Variants in C6 observed in about 807,000 individuals in gnomAD.
The protein encoded by C6 is complement component C6.
C6 carries 101 observed loss-of-function variants against 112.9 expected under a neutral mutation model. That is an observed-to-expected ratio of 0.89 (90% CI 0.76 to 1.06). The LOEUF (loss-of-function observed/expected upper bound fraction) is 1.06, where lower values mean the gene tolerates loss of function less well. Ranked by LOEUF, C6 falls within the 50% of genes least tolerant of loss-of-function variation. The pLI is 0.00. For synonymous variants in C6, 431 were observed against 384.1 expected (o/e 1.12, Z -1.43); for missense variants, 1,202 against 1,104.6 (o/e 1.09, Z -1.25).
intron 1 of C6, among the ~76,000 whole-genome samples, chr5:41,236,753 AC>A (rs1473948649): frequency 2.1e-5 from 3 of 141,812 alleles, no homozygotes; most frequent in African/African-American, 8.1e-5. Context: ...AAATAGAGAC[AC>A]AAAAAATCCT....
At chr5:41,233,033 T>C (rs1205038138) in intron 1 of C6, among the ~76,000 whole-genome samples, 1 of 152,106 alleles carries the variant, frequency 6.6e-6, no homozygotes, top group Non-Finnish European at 1.5e-5. Context: ...TCAATTAATA[T>C]TCTATTATGT....
chr5:41,177,242 C>T (rs1436041665), intron 7 of C6, among the ~76,000 whole-genome samples: 2 of 152,120 alleles, frequency 1.3e-5, no homozygotes, highest in Non-Finnish European at 2.9e-5. Flanking sequence ...CACTTCACAT[C>T]TCCTTTCAAC....
intron 1 of C6, among the ~76,000 whole-genome samples, chr5:41,240,397 C>A (rs560823819): frequency 2.0e-5 from 3 of 152,044 alleles, no homozygotes; most frequent in Non-Finnish European, 4.4e-5. Flanking sequence ...CCAGTAGGAG[C>A]AGCTGTGGAT....
intron 1 of C6, among the ~76,000 whole-genome samples, chr5:41,211,312 CA>C (rs1561177587): frequency 3.2e-4 from 34 of 107,710 alleles, no homozygotes; most frequent in African/African-American, 9.5e-4. Context: ...GGGTGCAGTA[CA>C]CCAACATGGC....
intron 1 of C6, among the ~76,000 whole-genome samples, chr5:41,255,217 C>A (rs113812224): frequency 6.6e-6 from 1 of 151,776 alleles, no homozygotes; most frequent in Non-Finnish European, 1.5e-5. Flanking sequence ...AAAAATTAGG[C>A]GGGCATGGTG....
In C6 at chr5:41,158,729, A is replaced by C. The variant is rs779593411; in HGVS notation, c.1913T>G (p.Ile638Arg). ...EEMKEVDLPEIEADSGCPQPV... is the reference protein window; with the variant it reads ...EEMKEVDLPEREADSGCPQPV... The stretch of plus-strand genomic sequence containing the variant: ...CTGAGGACACCCGGAATCTGCTTCT[A>C]TCTCAGGAAGATCGACCTCTTTCAT... Residue 638 changes from isoleucine (I) to arginine (R), a missense_variant, in exon 13 of 18, where the codon ATA (isoleucine) becomes AGA (arginine). Ile to Arg is a moderately conservative substitution (Grantham distance 97, BLOSUM62 -3). Coordinates refer to ENST00000337836, the MANE Select transcript of C6 (RefSeq NM_000065.5). 2 of 1,611,908 alleles carry C rather than the reference A, an allele frequency of 1.2e-6. No individual in the cohort carries two copies. Among genetic ancestry groups the C allele is most frequent in the Non-Finnish European group, 1.7e-6 (2 of 1,178,158 alleles).
chr5:41,234,905 C>A lies in C6; in HGVS notation c.-21+26289G>T, dbSNP rs1021318327. Among the ~76,000 whole-genome samples, 5 of 152,164 alleles carry A rather than the reference C, an allele frequency of 3.3e-5. No individual in the cohort carries two copies. The South Asian group carries it at 8.3e-4, about 25-fold the overall frequency. ...TGCCTGTTGCTATAATAATTCCTTA[C>A]TAATGAGACTTTATTAATTTGTAGT... is the stretch of plus-strand genomic sequence containing the variant. On this transcript the variant is annotated intron_variant, in intron 1 of 17. Transcript: ENST00000263413.
intron 1 of C6, among the ~76,000 whole-genome samples, chr5:41,243,934 T>A (rs1390943008): frequency 6.6e-6 from 1 of 152,244 alleles, no homozygotes; most frequent in East Asian, 1.9e-4. Flanking sequence ...CACATTTGCC[T>A]ACACTAAAAA....
At chr5:41,184,890 CAT>C (rs1749649779) in intron 6 of C6, among the ~76,000 whole-genome samples, 2 of 152,264 alleles carry the variant, frequency 1.3e-5, no homozygotes, top group Middle Eastern at 3.4e-3. Flanking sequence ...TCTAAGGTAT[CAT>C]ATGAGTATGA....
chr5:41,160,473 A>C, intron 10 of C6, 106 bp from the exon 11 acceptor site: 1 of 853,920 alleles, frequency 1.2e-6, no homozygotes, highest in Non-Finnish European at 2.0e-6. Context: ...AAAATTTTAC[A>C]CTTCAAAGGG....
chr5:41,254,473 T>C (rs1741561116), intron 1 of C6, among the ~76,000 whole-genome samples: 1 of 152,174 alleles, frequency 6.6e-6, no homozygotes, highest in Non-Finnish European at 1.5e-5. Context: ...ATAGAGTTTC[T>C]ACAGAAGTAC....
At chr5:41,230,615 A>G (rs535140431) in intron 1 of C6, among the ~76,000 whole-genome samples, 84 of 152,278 alleles carry the variant, frequency 5.5e-4, no homozygotes, top group Admixed American at 9.8e-4. Flanking sequence ...GACCCTCATC[A>G]GTAATTCTAA....
intron 1 of C6, among the ~76,000 whole-genome samples, chr5:41,253,498 A>C (rs73750104): frequency 0.028 from 4,296 of 152,288 alleles, 220 homozygotes; most frequent in African/African-American, 0.097. Context: ...CCCAGGCTCC[A>C]CTTGGGATTT....
At chr5:41,153,029 T>G (rs936589765) in intron 15 of C6, 1 of 152,138 alleles carries the variant, frequency 6.6e-6, no homozygotes, top group African/African-American at 2.4e-5. Context: ...CTAAGGGAGG[T>G]GTCCAGGTCT....
At chr5:41,187,480 C>T (rs1476563446) in intron 5 of C6, among the ~76,000 whole-genome samples, 2 of 152,066 alleles carry the variant, frequency 1.3e-5, no homozygotes, top group Non-Finnish European at 1.5e-5. Context: ...GAGGCTTTTG[C>T]GATCTATTAG....
intron 7 of C6, among the ~76,000 whole-genome samples, chr5:41,178,999 G>A (rs1364713189): frequency 2.6e-5 from 4 of 151,996 alleles, no homozygotes; most frequent in East Asian, 1.9e-4. Context: ...GATCACAGGC[G>A]CACACTGCCA....
At chr5:41,219,838 GGTT>G (rs1423587977) in intron 1 of C6, among the ~76,000 whole-genome samples, 3 of 152,032 alleles carry the variant, frequency 2.0e-5, no homozygotes, top group Non-Finnish European at 2.9e-5. Context: ...CCAGGAGAAA[GGTT>G]GTCTCAGTCA....
intron 8 of C6, among the ~76,000 whole-genome samples, chr5:41,174,651 G>A (rs1278404963): frequency 6.6e-6 from 1 of 152,178 alleles, no homozygotes; most frequent in African/African-American, 2.4e-5. Context: ...ATAAATCAAT[G>A]CATGCAAATA....
At position 41,255,217 on chromosome 5, in the gene C6, C is replaced by T. The variant is rs113812224; in HGVS notation, c.-21+5977G>A. ...CTCTACTAAAAATACAAAAATTAGG[C>T]GGGCATGGTGGTGGGTGCCTGTAAT... On this transcript the variant is annotated intron_variant, in intron 1 of 17. Transcript: ENST00000263413. Among the ~76,000 whole-genome samples the T allele has an allele frequency of 5.7e-3, 870 of 151,886 alleles. 9 individuals carry two copies. Among genetic ancestry groups the T allele is most frequent in the African/African-American group, 0.02 (818 of 41,438 alleles).
Sources: gnomAD v4.1 joint callset for allele counts (sites outside exome capture counted in the v4.1 genomes callset) on GRCh38, gnomAD v4.1.1 for gene constraint, MANE v1.5 for transcripts, NCBI Gene and HGNC (gene_info 2026-07-23, HGNC 2026-07-21) for gene names.